PLA2R1: variants seen among roughly 807,000 people sequenced by gnomAD.
The protein encoded by PLA2R1 is phospholipase A2 receptor 1.
In PLA2R1, 158 loss-of-function variants were observed where a neutral mutation model predicts 195.9. That is an observed-to-expected ratio of 0.81 (90% confidence interval 0.71 to 0.92). PLA2R1 has a LOEUF of 0.92. PLA2R1 is among the 40% of genes least tolerant of loss of function. The pLI is 0.00. For synonymous variants in PLA2R1, 586 were observed against 598.2 expected (o/e 0.98, Z 0.30); for missense variants, 1,626 against 1,764.6 (o/e 0.92, Z 1.41).
At chr2:159,989,788 G>A (rs914199418) in intron 11 of PLA2R1, among the ~76,000 whole-genome samples, 2 of 152,138 alleles carry the variant, frequency 1.3e-5, no homozygotes, top group Non-Finnish European at 2.9e-5. Context: ...AGTTCTGCCT[G>A]CATATTCAAA....
Position 160,020,283 on chromosome 2 carries a change from A to G in PLA2R1, c.1295-20T>C. 1 of 1,583,012 alleles carries G rather than the reference A, an allele frequency of 6.3e-7. No individual in the cohort carries two copies. Among genetic ancestry groups the G allele is most frequent in the African/African-American group, 1.3e-5 (1 of 74,084 alleles). On this transcript the variant is annotated intron_variant, in intron 7 of 29. Transcript: ENST00000283243. ...CATTTTCTGTAAGAGATAAATGTAA[A>G]TTACTTATGGGATCCTATTATTTGC...
intron 12 of PLA2R1, 145 bp downstream of exon 12, chr2:159,987,011 C>G (rs890947604): frequency 1.6e-6 from 1 of 621,632 alleles, no homozygotes; most frequent in Non-Finnish European, 2.9e-6. Flanking sequence ...TAGAGACAGG[C>G]AACAAATGTT....
At chr2:159,964,158 T>C (rs1221663524) in intron 20 of PLA2R1, among the ~76,000 whole-genome samples, 1 of 152,146 alleles carries the variant, frequency 6.6e-6, no homozygotes, top group Non-Finnish European at 1.5e-5. Flanking sequence ...AAATATTGTA[T>C]GAGTTCGCTA....
chr2:160,053,349 G>T (rs1000317917), intron 1 of PLA2R1, among the ~76,000 whole-genome samples: 14 of 8,532 alleles, frequency 1.6e-3, no homozygotes, highest in Non-Finnish European at 2.9e-3. Context: ...CGAATTTGGT[G>T]GGGGGGGGGG....
intron 11 of PLA2R1, among the ~76,000 whole-genome samples, chr2:159,996,963 G>C (rs1691254706): frequency 6.6e-6 from 1 of 152,012 alleles, no homozygotes; most frequent in South Asian, 2.1e-4. Context: ...AAAGCCCTTA[G>C]CATATTAATC....
intron 20 of PLA2R1, among the ~76,000 whole-genome samples, chr2:159,959,584 T>C (rs1363710339): frequency 6.6e-6 from 1 of 152,230 alleles, no homozygotes; most frequent in Non-Finnish European, 1.5e-5. Context: ...CCTACTGTAT[T>C]CTAAATGGGT....
intron 16 of PLA2R1, 44 bp downstream of exon 16, chr2:159,976,641 A>G (rs377586742): frequency 3.3e-6 from 4 of 1,200,738 alleles, no homozygotes; most frequent in Non-Finnish European, 5.0e-6. Flanking sequence ...TATATGGTAT[A>G]TATTAATAAT....
intron 6 of PLA2R1, 23 bp from the exon 7 acceptor site, chr2:160,022,882 A>T (rs1693236417): frequency 6.7e-7 from 1 of 1,500,380 alleles, no homozygotes; most frequent in East Asian, 2.3e-5. Context: ...ACAAAAAACA[A>T]TGTCATTTTC....
chr2:159,965,930 G>A (rs1458843314), intron 20 of PLA2R1, among the ~76,000 whole-genome samples: 1 of 152,134 alleles, frequency 6.6e-6, no homozygotes, highest in African/African-American at 2.4e-5. Context: ...GGCAGGCATA[G>A]GAAAGGGGCA....
chr2:160,029,160 T>C (rs979782143), intron 4 of PLA2R1, among the ~76,000 whole-genome samples, 197 bp from the exon 5 acceptor site: 1 of 152,120 alleles, frequency 6.6e-6, no homozygotes, highest in African/African-American at 2.4e-5. Context: ...CTGACAGCTG[T>C]TTTTCAACTG....
intron 6 of PLA2R1, 100 bp downstream of exon 6, chr2:160,028,116 TAA>T: frequency 1.4e-6 from 1 of 720,108 alleles, no homozygotes; most frequent in Non-Finnish European, 2.3e-6. Flanking sequence ...TAGATTTAGC[TAA>T]GTTTACATTA....
rs998142852 is a variant in PLA2R1, at chr2:159,933,531, TTCTC to T, written c.*8243_*8246del. 6.6e-6 allele frequency: 1 copy of T among 152,172 alleles called. No individual in the cohort carries two copies. Among genetic ancestry groups the T allele is most frequent in the African/African-American group, 2.4e-5 (1 of 41,436 alleles). 9.4% of individuals were successfully genotyped at this position (152,172 alleles called of 1,614,324 possible). On this transcript the variant is annotated 3_prime_UTR_variant, in exon 30 of 30. Transcript: ENST00000283243. ...CAGTCCCCTCTCCTTTTTTTTCTGA[TTCTC>T]TTCTTCTTGATATTATTTATGTCAC... is the stretch of plus-strand genomic sequence containing the variant.
chr2:160,004,969 G>A (rs892116242), intron 11 of PLA2R1, among the ~76,000 whole-genome samples: 8 of 152,132 alleles, frequency 5.3e-5, no homozygotes, highest in Non-Finnish European at 8.8e-5. Context: ...CCCATCCACC[G>A]TACTTTGAAG....
At chr2:159,980,735 A>G (rs1199010322) in intron 13 of PLA2R1, among the ~76,000 whole-genome samples, 2 of 152,230 alleles carry the variant, frequency 1.3e-5, no homozygotes, top group Admixed American at 6.5e-5. Context: ...TACCTGTGCA[A>G]TGAACCATCT....
intron 1 of PLA2R1, among the ~76,000 whole-genome samples, chr2:160,056,484 T>C (rs567173014): frequency 7.9e-5 from 12 of 152,208 alleles, no homozygotes; most frequent in Admixed American, 2.0e-4. Flanking sequence ...CTACCAAGAA[T>C]AGGTCCATCT....
intron 17 of PLA2R1, among the ~76,000 whole-genome samples, chr2:159,972,595 T>C (rs914415045): frequency 6.6e-6 from 1 of 152,160 alleles, no homozygotes; most frequent in Non-Finnish European, 1.5e-5. Context: ...AAATGATATT[T>C]TGGAGGAGGA....
At chr2:160,053,601 G>T (rs1374216866) in intron 1 of PLA2R1, among the ~76,000 whole-genome samples, 2 of 152,178 alleles carry the variant, frequency 1.3e-5, no homozygotes, top group Non-Finnish European at 2.9e-5. Flanking sequence ...CCACAGAAGT[G>T]ATATCAGTAC....
At chr2:160,029,709 C>T (rs1189894487) in intron 4 of PLA2R1, among the ~76,000 whole-genome samples, 2 of 152,018 alleles carry the variant, frequency 1.3e-5, no homozygotes, top group Admixed American at 6.6e-5. Flanking sequence ...TTTTTGTGCA[C>T]CTAAATTTTA....
chr2:160,057,466 T>C (rs1229222768), intron 1 of PLA2R1, among the ~76,000 whole-genome samples: 2 of 152,232 alleles, frequency 1.3e-5, no homozygotes, highest in African/African-American at 2.4e-5. Context: ...ACTTTTACTG[T>C]TGCCTGACAC....
Sources: gnomAD v4.1 joint callset for allele counts (sites outside exome capture counted in the v4.1 genomes callset) on GRCh38, gnomAD v4.1.1 for gene constraint, MANE v1.5 for transcripts, NCBI Gene and HGNC (gene_info 2026-07-23, HGNC 2026-07-21) for gene names.